Variants in STRN4 observed in about 807,000 individuals in gnomAD.
STRN4 encodes striatin 4.
A neutral mutation model predicts 77.9 loss-of-function variants in STRN4; 27 were observed. That is an observed-to-expected ratio of 0.35 (90% CI 0.26 to 0.48). The LOEUF is 0.48. Among genes scored for constraint, STRN4 ranks in the 20% least tolerant of loss-of-function variants. STRN4 has a pLI of 0.99. For missense variants in STRN4, 798 were observed against 1,049.7 expected (o/e 0.76, Z 3.31); for synonymous variants, 466 against 443.1 (o/e 1.05, Z -0.65).
At chr19:46,730,425 G>C (rs919920239) in intron 6 of STRN4, among the ~76,000 whole-genome samples, 5 of 150,756 alleles carry the variant, frequency 3.3e-5, no homozygotes, top group African/African-American at 4.9e-5. Flanking sequence ...AAGGAGGAAA[G>C]AAAGGGGACC....
In STRN4 at chr19:46,720,669, G is replaced by A. The variant is rs756593075; in HGVS notation, c.2195C>T (p.Ala732Val). The A allele has an allele frequency of 1.9e-6, 3 of 1,610,296 alleles. No homozygotes were observed. Among genetic ancestry groups the A allele is most frequent in the East Asian group, 2.2e-5 (1 of 44,754 alleles). The part of the protein sequence containing the change: ...KKHEEAIHAV[A>V]CHPSKALIAS... ...AATGAGGGCCTTGCTGGGGTGGCAG[G>A]CAACAGCGTGGATGGCCTCCTCGTG... Residue 732 changes from alanine (A) to valine (V), a missense_variant, in exon 17 of 18, where the codon GCC becomes GTC. Transcript: ENST00000263280.
At chr19:46,737,077 G>C (rs2054381158) in intron 3 of STRN4, among the ~76,000 whole-genome samples, 176 bp from the exon 4 acceptor site, 1 of 152,156 alleles carries the variant, frequency 6.6e-6, no homozygotes, top group South Asian at 2.1e-4. Context: ...CCTCCTCCTT[G>C]AAGCGTTCCT....
At chr19:46,743,631 G>A (rs1278764851) in intron 1 of STRN4, among the ~76,000 whole-genome samples, 1 of 152,164 alleles carries the variant, frequency 6.6e-6, no homozygotes, top group East Asian at 1.9e-4. Flanking sequence ...CGGGCATGGT[G>A]GCTTATGCCT....
chr19:46,736,899 A>G lies in STRN4; in HGVS notation c.463T>C (p.Ser155Pro). 6.2e-7 allele frequency: 1 copy of G among 1,611,476 alleles called. No homozygotes were observed. The highest frequency in any genetic ancestry group is 8.5e-7 in the Non-Finnish European group (1 of 1,178,758). ...EKKADVSEQV[S>P]NGPVESVTLE... ...GTGACCGATTCCACGGGGCCATTGG[A>G]GACTGGCGGGTGAGAGAACGGAGGC... Residue 155 changes from serine (S) to proline (P), a missense_variant and splice_region_variant, in exon 4 of 18, where the codon TCC becomes CCC. This residue lies in a region of STRN4 where 511 missense variants were observed against 575.9 expected (regional missense o/e 0.89). Coordinates refer to ENST00000263280, the MANE Select transcript of STRN4 (RefSeq NM_013403.3).
At chr19:46,727,370 C>T (rs7351078) in intron 9 of STRN4, 82 bp downstream of exon 9, 129,374 of 1,196,784 alleles carry the variant, frequency 0.11, 8,102 homozygotes, top group Middle Eastern at 0.14. Context: ...AGGGCACGGG[C>T]GGCACCCAGT....
At position 46,722,953 on chromosome 19, in the gene STRN4, G is replaced by C; in HGVS notation, c.1766-3C>G. 1 of 1,613,778 alleles carries C rather than the reference G, an allele frequency of 6.2e-7. No individual in the cohort carries two copies. The highest frequency in any genetic ancestry group is 8.5e-7 in the Non-Finnish European group (1 of 1,180,010). ...CACTGAGGTGGGGACCCCGTGCTCT[G>C]AGGGCACAGGGAAGAGAAGGCTGCT... On this transcript the variant is annotated splice_region_variant and splice_polypyrimidine_tract_variant and intron_variant, in intron 13 of 17. Coordinates refer to ENST00000263280, the MANE Select transcript of STRN4 (RefSeq NM_013403.3).
Position 46,746,449 on chromosome 19 carries a change from CT to C in STRN4, c.-20del. On this transcript the variant is annotated 5_prime_UTR_variant, in exon 1 of 18. Coordinates refer to ENST00000263280, the MANE Select transcript of STRN4 (RefSeq NM_013403.3). ...CCATCATGGAGGCCCCGGGGCCGGC[CT>C]GCGCGCCCGCTGTGCCTCGCGCGCC... The C allele has an allele frequency of 1.0e-6, 1 of 1,003,478 alleles. No homozygotes were observed. Among genetic ancestry groups the C allele is most frequent in the Non-Finnish European group, 1.2e-6 (1 of 843,630 alleles). 62.2% of individuals were successfully genotyped at this position (1,003,478 alleles called of 1,614,324 possible). A position where few individuals can be genotyped will look rare whatever the true frequency, so the allele number is the denominator to read the frequency against.
At position 46,723,458 on chromosome 19, in the gene STRN4, C is replaced by T. The variant is rs1360312332; in HGVS notation, c.1595-174G>A. Among the ~76,000 whole-genome samples, 1 of 152,320 alleles carries T rather than the reference C, an allele frequency of 6.6e-6. No homozygotes were observed. Among genetic ancestry groups the T allele is most frequent in the East Asian group, 1.9e-4 (1 of 5,186 alleles). On this transcript the variant is annotated intron_variant, in intron 12 of 17. Transcript: ENST00000263280. This position sits in a 1 kb window ranked among gnomAD's most constrained non-coding sequence, Gnocchi z 5.5. ...CACTGCCAGGACAGCCCGGCAGCTGCTCACACTGCCCACTAGCTCTCCAAG... is the reference window on the plus strand; with the variant it reads ...CACTGCCAGGACAGCCCGGCAGCTGTTCACACTGCCCACTAGCTCTCCAAG...
In STRN4 at chr19:46,724,990, G is replaced by A. The variant is rs1200709297; in HGVS notation, c.1473-62C>T. On this transcript the variant is annotated intron_variant, in intron 11 of 17. Transcript: ENST00000263280. The stretch of plus-strand genomic sequence containing the variant: ...AAGCTCAGGGCCTCCCCTGGCCACA[G>A]GACCTAAGTTCCCTACTAGCATTCT... The A allele has an allele frequency of 4.4e-6, 7 of 1,607,766 alleles. No homozygotes were observed. The African/African-American group carries it at 6.7e-5, about 15-fold the overall frequency.
rs1457634134 is a variant in STRN4, at chr19:46,724,739, G to A, written c.1594+68C>T. ...TGTTGGCAAGAGGTGGACGCGACGT[G>A]TGTGTGCGTGGAGGGGACGGCCAGG... On this transcript the variant is annotated intron_variant, in intron 12 of 17. Transcript: ENST00000263280. 8.1e-6 allele frequency: 13 copies of A among 1,607,890 alleles called. No homozygotes were observed. The Admixed American group carries it at 2.2e-4, about 27-fold the overall frequency.
rs1408769029 is a variant in STRN4 at position 46,746,038 on chromosome 19, C to G, written c.282+111G>C. 15 of 1,198,332 alleles carry G rather than the reference C, an allele frequency of 1.3e-5. 1 individual carries two copies. Among genetic ancestry groups the G allele is most frequent in the East Asian group, 3.5e-5 (1 of 28,960 alleles). The allele number at this position is 1,198,332 out of a possible 1,614,324, so 74.2% of individuals were successfully genotyped here. A position where few individuals can be genotyped will look rare whatever the true frequency, so the allele number is the denominator to read the frequency against. On this transcript the variant is annotated intron_variant, in intron 1 of 17. Coordinates refer to ENST00000263280, the MANE Select transcript of STRN4 (RefSeq NM_013403.3). ...CCGTCGCGGTCCCCTCCCGCCCCCCCGCCGGCCGTCCCGGCGGCCATTGCT... is the reference window on the plus strand; with the variant it reads ...CCGTCGCGGTCCCCTCCCGCCCCCCGGCCGGCCGTCCCGGCGGCCATTGCT...
rs543967453 is a variant in STRN4 at position 46,721,761 on chromosome 19, C to T, written c.2092+225G>A. The T allele has an allele frequency of 6.9e-5, 37 of 533,302 alleles. No homozygotes were observed. The East Asian group carries it at 8.2e-4, about 12-fold the overall frequency. The allele number at this position is 533,302 out of a possible 1,614,324, so 33.0% of individuals were successfully genotyped here. A position where few individuals can be genotyped will look rare whatever the true frequency, so the allele number is the denominator to read the frequency against. On this transcript the variant is annotated intron_variant, in intron 16 of 17. Coordinates refer to ENST00000263280, the MANE Select transcript of STRN4 (RefSeq NM_013403.3). ...GTAAACTGGGGATCAAAGTACCAAC[C>T]GCACAGGCTGCTTAGAGGCCGAATG...
chr19:46,723,725 C>T lies in STRN4; in HGVS notation c.1595-441G>A, dbSNP rs1268124659. Among the ~76,000 whole-genome samples the T allele has an allele frequency of 6.6e-6, 1 of 152,190 alleles. No individual in the cohort carries two copies. Among genetic ancestry groups the T allele is most frequent in the Non-Finnish European group, 1.5e-5 (1 of 68,028 alleles). On this transcript the variant is annotated intron_variant, in intron 12 of 17. Transcript: ENST00000263280. The surrounding 1 kb of genome is among the most constrained non-coding windows in gnomAD (Gnocchi z 5.5). ...AGTGCATGGGCTTTGCCTGGTCTCT[C>T]CAAAGCCCCCTGGTCATTCAGAGGT...
intron 1 of STRN4, chr19:46,740,412 T>A (rs1466251408): frequency 6.6e-6 from 1 of 152,298 alleles, no homozygotes; most frequent in Admixed American, 6.5e-5. Flanking sequence ...TATATAAACA[T>A]CCAAGGCCAG....
At position 46,728,926 on chromosome 19, in the gene STRN4, C is replaced by T. The variant is rs374833374; in HGVS notation, c.880-149G>A. On this transcript the variant is annotated intron_variant, in intron 6 of 17. Transcript: ENST00000263280. Reference sequence around the variant, plus strand: ...CGCCAGCCAGCTGCCCTGGAGCGCCCCCTGCTGGGCCTTGGACAGCTGCTA... The same window carrying T: ...CGCCAGCCAGCTGCCCTGGAGCGCCTCCTGCTGGGCCTTGGACAGCTGCTA... 3.6e-4 allele frequency: 410 copies of T among 1,154,764 alleles called. 2 individuals carry two copies. The African/African-American group carries it at 5.9e-3, about 17-fold the overall frequency. The allele number at this position is 1,154,764 out of a possible 1,614,324, so 71.5% of individuals were successfully genotyped here. A position where few individuals can be genotyped will look rare whatever the true frequency, so the allele number is the denominator to read the frequency against.
At chr19:46,728,835 C>T in intron 6 of STRN4, 58 bp from the exon 7 acceptor site, 1 of 1,593,380 alleles carries the variant, frequency 6.3e-7, no homozygotes. Flanking sequence ...GACTAAGCCA[C>T]CTCCGTGCCT....
rs2054234615 is a variant in STRN4 at position 46,730,876 on chromosome 19, G to A, written c.738-3C>T. On this transcript the variant is annotated splice_region_variant and splice_polypyrimidine_tract_variant and intron_variant, in intron 5 of 17. Coordinates refer to ENST00000263280, the MANE Select transcript of STRN4 (RefSeq NM_013403.3). ...TGCCATCTTTGCCTGCCGCGTTCCT[G>A]CCAAAGACAGCAGAGCAGAGGAGGC... 1 of 1,610,014 alleles carries A rather than the reference G, an allele frequency of 6.2e-7. No individual in the cohort carries two copies.
At position 46,725,422 on chromosome 19, in the gene STRN4, A is replaced by G. The variant is rs565476828; in HGVS notation, c.1425-43T>C. The G allele has an allele frequency of 5.0e-6, 8 of 1,613,228 alleles. No homozygotes were observed. The Admixed American group carries it at 1.0e-4, about 20-fold the overall frequency. ...AGCCTGATGTCACTGAGACCCTGTC[A>G]CCCCCGTCCCCAGATGCCCCTGCCC... is the stretch of plus-strand genomic sequence containing the variant. On this transcript the variant is annotated intron_variant, in intron 10 of 17. Transcript: ENST00000263280.
chr19:46,725,096 C>T (rs919549781), intron 11 of STRN4, among the ~76,000 whole-genome samples, 168 bp from the exon 12 acceptor site: 1 of 152,172 alleles, frequency 6.6e-6, no homozygotes, highest in Non-Finnish European at 1.5e-5. Context: ...TGCCCTCCCC[C>T]ACCCCACCTC....
Sources: allele counts gnomAD v4.1 joint callset (sites outside exome capture counted in the v4.1 genomes callset), GRCh38; gene constraint gnomAD v4.1.1; regional missense constraint gnomAD v4.1.1; non-coding constraint Gnocchi (gnomAD v3.1); transcripts MANE v1.5; gene names NCBI Gene and HGNC (gene_info 2026-07-23, HGNC 2026-07-21).